CAPN3: variants seen among roughly 807,000 people sequenced by gnomAD.
CAPN3 encodes the protein calpain-3.
CAPN3 carries 88 observed loss-of-function variants against 114.0 expected under a neutral mutation model. That is an observed-to-expected ratio of 0.77 (90% confidence interval 0.65 to 0.92). CAPN3 has a LOEUF of 0.92. CAPN3 is among the 40% of genes least tolerant of loss of function. CAPN3 has a pLI of 0.00. For missense variants in CAPN3, 1,028 were observed against 1,069.0 expected, an observed-to-expected ratio of 0.96 and a Z score of 0.53; for synonymous variants, 386 against 382.9, an observed-to-expected ratio of 1.01 and a Z score of -0.09.
intron 12 of CAPN3, chr15:42,402,444 G>T (rs2053899618): frequency 7.0e-7 from 1 of 1,429,936 alleles, no homozygotes; most frequent in Non-Finnish European, 9.1e-7. Flanking sequence ...TTCTGAGGGT[G>T]GCTGCCCGCT....
chr15:42,382,218 T>C (rs1211113828), intron 1 of CAPN3, among the ~76,000 whole-genome samples: 1 of 152,210 alleles, frequency 6.6e-6, no homozygotes, highest in African/African-American at 2.4e-5. Flanking sequence ...ATGTTTTTTT[T>C]TTTCTTTGAA....
intron 12 of CAPN3, chr15:42,402,553 G>C: frequency 6.8e-7 from 1 of 1,465,266 alleles, no homozygotes; most frequent in Non-Finnish European, 9.0e-7. Flanking sequence ...AGGAGCAGCT[G>C]TTCTGGTAAG....
intron 1 of CAPN3, 34 bp from the exon 2 acceptor site, chr15:42,384,449 A>G (rs1312058970): frequency 6.7e-7 from 1 of 1,499,828 alleles, no homozygotes; most frequent in Non-Finnish European, 9.3e-7. Flanking sequence ...ATCTACTGTT[A>G]TTCTTACCTG....
In CAPN3 at chr15:42,360,096, C is replaced by A. The variant is rs758058910; in HGVS notation, c.291C>A (p.Phe97Leu). The change falls in exon 1 of 24, where the codon TTC becomes TTA. Residue 97 changes from phenylalanine to leucine, a missense_variant. Coordinates refer to ENST00000397163, the MANE Select transcript of CAPN3 (RefSeq NM_000070.3). The stretch of plus-strand genomic sequence containing the variant: ...ATAGCCAGAAGTTCCCCATCCAGTT[C>A]GTCTGGAAGAGACCTCCGGTGAGTA... ...LFYSQKFPIQ[F>L]VWKRPPEICE... 3 of 1,614,190 alleles carry A rather than the reference C, an allele frequency of 1.9e-6. No individual in the cohort carries two copies. The highest frequency in any genetic ancestry group is 2.5e-6 in the Non-Finnish European group (3 of 1,180,030).
intron 1 of CAPN3, among the ~76,000 whole-genome samples, chr15:42,382,976 A>G (rs2053289627): frequency 1.3e-5 from 2 of 152,218 alleles, no homozygotes; most frequent in South Asian, 4.1e-4. Context: ...AAACAGTTAT[A>G]TTCAGAGTTC....
chr15:42,368,448 A>C (rs2052845306), intron 1 of CAPN3, among the ~76,000 whole-genome samples: 2 of 152,244 alleles, frequency 1.3e-5, no homozygotes, highest in African/African-American at 4.8e-5. Flanking sequence ...CACAAGTTAT[A>C]GTCAGTTGGC....
Position 42,388,935 on chromosome 15 carries a change from G to C in CAPN3, c.640G>C (p.Gly214Arg). 2 of 1,613,896 alleles carry C rather than the reference G, an allele frequency of 1.2e-6. No individual in the cohort carries two copies. Among genetic ancestry groups the C allele is most frequent in the Non-Finnish European group, 8.5e-7 (1 of 1,179,974 alleles). The change falls in exon 5 of 24, where the codon GGT (glycine) becomes CGT (arginine). Residue 214 changes from glycine (G) to arginine (R), a missense_variant. Gly to Arg is a moderately radical substitution (Grantham distance 125, BLOSUM62 -2). Coordinates refer to ENST00000397163, the MANE Select transcript of CAPN3 (RefSeq NM_000070.3). ...LLEKAYAKLH[G>R]SYEALKGGNT... ...CTTCATCCTCTCTCTAAGGCTCCAT[G>C]GTTCCTACGAAGCTCTGAAAGGTGG... is the stretch of plus-strand genomic sequence containing the variant.
Position 42,411,299 on chromosome 15 carries a change from C to A in CAPN3, c.2393C>A (p.Ala798Glu), listed in dbSNP as rs149095128. The change falls in exon 23 of 24, where the codon GCA becomes GAA. Residue 798 changes from alanine (A) to glutamate (E), a missense_variant. Transcript: ENST00000397163. ...CATTCTTTCACAGGAGCTTTTCATG[C>A]ATTTGACAAGGATGGAGATGGTATC... is the stretch of plus-strand genomic sequence containing the variant. The part of the protein sequence containing the change: ...RLEGMFRAFH[A>E]FDKDGDGIIK... The A allele has an allele frequency of 1.9e-4, 314 of 1,614,012 alleles. No individual in the cohort carries two copies. The highest frequency in any genetic ancestry group is 2.6e-4 in the Non-Finnish European group (308 of 1,179,972).
Position 42,405,962 on chromosome 15 carries a change from A to T in CAPN3, c.1800+19A>T. The T allele has an allele frequency of 1.2e-6, 2 of 1,608,452 alleles. No individual in the cohort carries two copies. Among genetic ancestry groups the T allele is most frequent in the Non-Finnish European group, 1.7e-6 (2 of 1,174,908 alleles). On this transcript the variant is annotated intron_variant, in intron 15 of 23. Coordinates refer to ENST00000397163, the MANE Select transcript of CAPN3 (RefSeq NM_000070.3). ...AACCAAGGTAGGTGTGTGGGTAGAG[A>T]GCATGAAGTGTGTGTACTCATGCAT... is the stretch of plus-strand genomic sequence containing the variant.
chr15:42,387,974 C>T (rs1015195943), intron 4 of CAPN3, 88 bp downstream of exon 4: 11 of 1,515,132 alleles, frequency 7.3e-6, no homozygotes, highest in Non-Finnish European at 1.0e-5. Flanking sequence ...CAGGAAGAGG[C>T]ATGTGCCTCT....
rs1293496023 is a variant in CAPN3 at position 42,399,593 on chromosome 15, CTG to C, written c.1298_1299del (p.Val433GlufsTer37). On this transcript the variant is annotated frameshift_variant, in exon 10 of 24. Transcript: ENST00000397163. LOFTEE classifies it high-confidence loss of function. Reference sequence around the variant, plus strand: ...GACAAGCTTCAGACCTGGACAGTGTCTGTGAACGAGGGCCGCTGGGTACGGGG... The same window carrying C: ...GACAAGCTTCAGACCTGGACAGTGTCTGAACGAGGGCCGCTGGGTACGGGG... 4 of 1,614,018 alleles carry C rather than the reference CTG, an allele frequency of 2.5e-6. No homozygotes were observed. The South Asian group carries it at 4.4e-5, about 18-fold the overall frequency.
At chr15:42,408,997 T>C (rs1275545476) in intron 16 of CAPN3, 2 of 441,234 alleles carry the variant, frequency 4.5e-6, no homozygotes, top group Non-Finnish European at 8.4e-6. Context: ...GCACCTTTAG[T>C]TGGAATGGTC....
intron 11 of CAPN3, 66 bp downstream of exon 11, chr15:42,401,876 T>G: frequency 6.5e-7 from 1 of 1,527,766 alleles, no homozygotes; most frequent in Non-Finnish European, 8.9e-7. Flanking sequence ...TTCCAGGGGC[T>G]TCTAGAGGGG....
At chr15:42,410,293 T>G in intron 19 of CAPN3, 135 bp from the exon 20 acceptor site, 2 of 869,824 alleles carry the variant, frequency 2.3e-6, no homozygotes, top group Non-Finnish European at 3.9e-6. Context: ...AATCTCTGAC[T>G]GGTGGTGGAG....
Position 42,359,599 on chromosome 15 carries a change from C to G in CAPN3, c.-207C>G. On this transcript the variant is annotated 5_prime_UTR_variant, in exon 1 of 24. Transcript: ENST00000397163. Reference sequence around the variant, plus strand: ...CTTTAGCACTCATTTCTCAGGAGAACTTATGGCTTCAGAATCACAGCTCGG... The same window carrying G: ...CTTTAGCACTCATTTCTCAGGAGAAGTTATGGCTTCAGAATCACAGCTCGG... 7.0e-7 allele frequency: 1 copy of G among 1,424,454 alleles called. No homozygotes were observed. The highest frequency in any genetic ancestry group is 1.5e-5 in the South Asian group (1 of 64,938). 88.2% of individuals were successfully genotyped at this position (1,424,454 alleles called of 1,614,324 possible). A position where few individuals can be genotyped will look rare whatever the true frequency, so the allele number is the denominator to read the frequency against.
At chr15:42,410,148 A>C (rs531816469) in intron 19 of CAPN3, among the ~76,000 whole-genome samples, 153 bp downstream of exon 19, 1 of 152,246 alleles carries the variant, frequency 6.6e-6, no homozygotes, top group East Asian at 1.9e-4. Context: ...ACTCGTCTGA[A>C]AGGGGTTGTT....
At chr15:42,410,565 A>T (rs1184356894) in intron 20 of CAPN3, 23 bp from the exon 21 acceptor site, 5 of 1,612,838 alleles carry the variant, frequency 3.1e-6, no homozygotes, top group Non-Finnish European at 4.2e-6. Flanking sequence ...TGTGACCTCC[A>T]TCCTCAAATT....
chr15:42,376,034 A>AT (rs2053081459), intron 1 of CAPN3, among the ~76,000 whole-genome samples: 1 of 152,122 alleles, frequency 6.6e-6, no homozygotes. Flanking sequence ...CTCAATTGGC[A>AT]TTTGTCTGCG....
In CAPN3 at chr15:42,404,944, C is replaced by T. The variant is rs556789287; in HGVS notation, c.1783-982C>T. 2.0e-5 allele frequency: 20 copies of T among 998,710 alleles called. No individual in the cohort carries two copies. The South Asian group carries it at 5.7e-4, about 29-fold the overall frequency. 61.9% of individuals were successfully genotyped at this position (998,710 alleles called of 1,614,324 possible). On this transcript the variant is annotated intron_variant, in intron 14 of 23. Coordinates refer to ENST00000397163, the MANE Select transcript of CAPN3 (RefSeq NM_000070.3). The stretch of plus-strand genomic sequence containing the variant: ...CTGCAAACCCAAAAGCTTATGGGAG[C>T]TGGCACGTCACGTGAGTAGAGCAGG...
Sources: gnomAD v4.1 joint callset for allele counts (sites outside exome capture counted in the v4.1 genomes callset) on GRCh38, gnomAD v4.1.1 for gene constraint, MANE v1.5 for transcripts, NCBI Gene and HGNC (gene_info 2026-07-23, HGNC 2026-07-21) for gene names.